Variants in MXD1 observed in about 807,000 individuals in gnomAD.
MXD1 encodes the protein MAX-binding protein.
In MXD1, 9 loss-of-function variants were observed where a neutral mutation model predicts 25.7. The ratio of observed to expected loss-of-function variants is 0.35; its 90% CI spans 0.21 to 0.61. The LOEUF is 0.61. Among genes scored for constraint, MXD1 ranks in the 20% least tolerant of loss-of-function variants. The pLI is 0.75. For missense variants in MXD1, 227 were observed against 292.4 expected (o/e 0.78, Z 1.63); for synonymous variants, 99 against 113.9 (o/e 0.87, Z 0.83).
intron 1 of MXD1, 83 bp from the exon 2 acceptor site, chr2:69,916,038 A>G (rs1676956252): frequency 4.0e-6 from 3 of 754,484 alleles, no homozygotes; most frequent in Non-Finnish European, 6.9e-6. Flanking sequence ...AAAGATAAAT[A>G]AAGGAAAAAG....
chr2:69,921,658 TAAAAG>T, intron 2 of MXD1, 73 bp from the exon 3 acceptor site: 1 of 1,351,330 alleles, frequency 7.4e-7, no homozygotes, highest in South Asian at 1.4e-5. Flanking sequence ...AGAAAGAAGT[TAAAAG>T]AATTGTGTTG....
chr2:69,918,024 C>A (rs1676992744), intron 2 of MXD1, among the ~76,000 whole-genome samples: 1 of 152,172 alleles, frequency 6.6e-6, no homozygotes, highest in Non-Finnish European at 1.5e-5. Context: ...GAGGCAAGAG[C>A]AGGCAGTTTT....
In MXD1 at chr2:69,940,617, C is replaced by T. The variant is rs965129121; in HGVS notation, c.*2333C>T. 6.6e-6 allele frequency: 1 copy of T among 152,522 alleles called. No individual in the cohort carries two copies. The highest frequency in any genetic ancestry group is 1.5e-5 in the Non-Finnish European group (1 of 68,016). The allele number at this position is 152,522 out of a possible 1,614,324, so 9.4% of individuals were successfully genotyped here. ...TGGTTGAAATCTGAAATGTACTGTC[C>T]CAATATAAAACAGTAATTATTTGAC... On this transcript the variant is annotated 3_prime_UTR_variant, in exon 6 of 6. Coordinates refer to ENST00000264444, the MANE Select transcript of MXD1 (RefSeq NM_002357.4).
intron 3 of MXD1, among the ~76,000 whole-genome samples, chr2:69,922,142 A>T (rs1017262538): frequency 6.6e-6 from 1 of 152,266 alleles, no homozygotes; most frequent in Non-Finnish European, 1.5e-5. Context: ...TATACACATA[A>T]TATACATGTA....
intron 2 of MXD1, 71 bp from the exon 3 acceptor site, chr2:69,921,665 A>G (rs1573401101): frequency 7.2e-7 from 1 of 1,395,038 alleles, no homozygotes; most frequent in Admixed American, 2.1e-5. Context: ...AGTTAAAAGA[A>G]TTGTGTTGGT....
intron 3 of MXD1, among the ~76,000 whole-genome samples, chr2:69,932,449 C>G (rs1677311208): frequency 6.6e-6 from 1 of 152,164 alleles, no homozygotes; most frequent in Admixed American, 6.5e-5. Context: ...GGGCAGCCAT[C>G]AGGCTGCAGC....
intron 3 of MXD1, among the ~76,000 whole-genome samples, chr2:69,926,308 T>C (rs1353651167): frequency 1.3e-5 from 2 of 152,050 alleles, no homozygotes. Context: ...CATCTCTTCT[T>C]CCTGTGCCAA....
At position 69,915,822 on chromosome 2, in the gene MXD1, A is replaced by G. The variant is rs1430672912; in HGVS notation, c.74-299A>G. Among the ~76,000 whole-genome samples, 1 of 152,150 alleles carries G rather than the reference A, an allele frequency of 6.6e-6. No homozygotes were observed. The highest frequency in any genetic ancestry group is 1.5e-5 in the Non-Finnish European group (1 of 68,018). The stretch of plus-strand genomic sequence containing the variant: ...CCGCACCTTCGCCTGAGCTGGTTCC[A>G]CTTAACCCGCACCAACCTGCTGGAT... On this transcript the variant is annotated intron_variant, in intron 1 of 5. Transcript: ENST00000264444. The surrounding 1 kb of genome is among the most constrained non-coding windows in gnomAD (Gnocchi z 5.8).
intron 3 of MXD1, among the ~76,000 whole-genome samples, chr2:69,934,434 G>A (rs1049918070): frequency 1.3e-5 from 2 of 152,146 alleles, no homozygotes; most frequent in South Asian, 2.1e-4. Flanking sequence ...GTCAGTTGCC[G>A]TGGCTGCTGC....
At chr2:69,928,549 G>A (rs1677214639) in intron 3 of MXD1, among the ~76,000 whole-genome samples, 1 of 152,098 alleles carries the variant, frequency 6.6e-6, no homozygotes, top group Admixed American at 6.5e-5. Flanking sequence ...CTCAAAGGTA[G>A]GGACTTGATC....
At chr2:69,924,018 T>C (rs1410099513) in intron 3 of MXD1, among the ~76,000 whole-genome samples, 1 of 152,240 alleles carries the variant, frequency 6.6e-6, no homozygotes, top group African/African-American at 2.4e-5. Context: ...AGAATGTCAA[T>C]TGTATTATTT....
intron 3 of MXD1, among the ~76,000 whole-genome samples, chr2:69,926,074 T>C (rs1278793234): frequency 6.6e-5 from 10 of 152,220 alleles, no homozygotes; most frequent in Non-Finnish European, 1.5e-4. Flanking sequence ...TGCCCAATTT[T>C]CTACTAAAGA....
Position 69,942,137 on chromosome 2 carries a change from C to T in MXD1, c.*3853C>T, listed in dbSNP as rs769645279. On this transcript the variant is annotated 3_prime_UTR_variant, in exon 6 of 6. Transcript: ENST00000264444. ...AGGCTAAACGCAATTTCTTGCATGT[C>T]AATCTATTCTTTTTCTATGTTTGAC... 6.6e-6 allele frequency: 1 copy of T among 152,184 alleles called. No homozygotes were observed. The highest frequency in any genetic ancestry group is 2.4e-5 in the African/African-American group (1 of 41,418). 9.4% of individuals were successfully genotyped at this position (152,184 alleles called of 1,614,324 possible).
At chr2:69,934,068 A>G (rs1227823196) in intron 3 of MXD1, among the ~76,000 whole-genome samples, 1 of 152,246 alleles carries the variant, frequency 6.6e-6, no homozygotes, top group Non-Finnish European at 1.5e-5. Context: ...GCAAACACTT[A>G]TTAAGCATGT....
intron 3 of MXD1, among the ~76,000 whole-genome samples, chr2:69,925,157 T>G (rs1677146157): frequency 6.6e-6 from 1 of 152,034 alleles, no homozygotes; most frequent in South Asian, 2.1e-4. Flanking sequence ...TACAGGGGGT[T>G]TGTCAGTCAG....
At chr2:69,921,849 G>T in intron 3 of MXD1, 84 bp downstream of exon 3, 1 of 1,384,414 alleles carries the variant, frequency 7.2e-7, no homozygotes, top group South Asian at 1.2e-5. Flanking sequence ...TGCTCTTTTT[G>T]ACTCTTCCCA....
chr2:69,920,444 G>A (rs928346551), intron 2 of MXD1, among the ~76,000 whole-genome samples: 6 of 152,146 alleles, frequency 3.9e-5, no homozygotes, highest in Non-Finnish European at 8.8e-5. Context: ...CTGTGAAAGA[G>A]AAGTTTAATG....
rs1677592362 is a variant in MXD1, at chr2:69,941,197, G to C, written c.*2913G>C. On this transcript the variant is annotated 3_prime_UTR_variant, in exon 6 of 6. Coordinates refer to ENST00000264444, the MANE Select transcript of MXD1 (RefSeq NM_002357.4). ...TCTTATTGATACCATCATAACGCAA[G>C]TGGGAAAAATAAGAGTACGCAGTCT... is the stretch of plus-strand genomic sequence containing the variant. The C allele has an allele frequency of 6.6e-6, 1 of 152,310 alleles. No homozygotes were observed. The highest frequency in any genetic ancestry group is 2.4e-5 in the African/African-American group (1 of 41,570). 9.4% of individuals were successfully genotyped at this position (152,310 alleles called of 1,614,324 possible).
Position 69,942,684 on chromosome 2 carries a change from G to A in MXD1, c.*4400G>A, listed in dbSNP as rs369655841. 6.6e-6 allele frequency: 1 copy of A among 152,066 alleles called. No homozygotes were observed. The highest frequency in any genetic ancestry group is 2.4e-5 in the African/African-American group (1 of 41,400). 9.4% of individuals were successfully genotyped at this position (152,066 alleles called of 1,614,324 possible). A position where few individuals can be genotyped will look rare whatever the true frequency, so the allele number is the denominator to read the frequency against. ...ATTGCTGTTACCATCATTTTTGGGG[G>A]GCCATCTTCCTAATGCTACACACAG... On this transcript the variant is annotated 3_prime_UTR_variant, in exon 6 of 6. Coordinates refer to ENST00000264444, the MANE Select transcript of MXD1 (RefSeq NM_002357.4).
Sources: allele counts gnomAD v4.1 joint callset (sites outside exome capture counted in the v4.1 genomes callset), GRCh38; gene constraint gnomAD v4.1.1; non-coding constraint Gnocchi (gnomAD v3.1); transcripts MANE v1.5; gene names NCBI Gene and HGNC (gene_info 2026-07-23, HGNC 2026-07-21).